Variants in SLC35B4 observed in about 807,000 individuals in gnomAD.
SLC35B4 encodes nucleotide sugar transporter SLC35B4.
In SLC35B4, 28 loss-of-function variants were observed where a neutral mutation model predicts 39.5. The ratio of observed to expected loss-of-function variants is 0.71; its 90% CI spans 0.53 to 0.97. The LOEUF is 0.97. Among genes scored for constraint, SLC35B4 ranks in the 50% least tolerant of loss-of-function variants. SLC35B4 has a pLI of 0.00. For missense variants in SLC35B4, 334 were observed against 414.3 expected (o/e 0.81, Z 1.68); for synonymous variants, 145 against 150.4 (o/e 0.96, Z 0.26).
rs1042089316 is a variant in SLC35B4 at position 134,293,588 on chromosome 7, C to T, written c.*1245G>A. 4.6e-5 allele frequency: 7 copies of T among 152,150 alleles called. No homozygotes were observed. The highest frequency in any genetic ancestry group is 1.7e-4 in the African/African-American group (7 of 41,440). The allele number at this position is 152,150 out of a possible 1,614,324, so 9.4% of individuals were successfully genotyped here. A position where few individuals can be genotyped will look rare whatever the true frequency, so the allele number is the denominator to read the frequency against. On this transcript the variant is annotated 3_prime_UTR_variant, in exon 10 of 10. Transcript: ENST00000378509. ...TGCATTCCCTTGATGGGTCGTGACT[C>T]TTAACAGAGTCATCGGGCAGAGGGG...
intron 1 of SLC35B4, among the ~76,000 whole-genome samples, chr7:134,314,135 C>T (rs957632836): frequency 1.3e-5 from 2 of 152,100 alleles, no homozygotes; most frequent in African/African-American, 2.4e-5. Flanking sequence ...GATTTGTCCA[C>T]GACTTTGTAG....
upstream of SLC35B4, among the ~76,000 whole-genome samples, chr7:134,317,659 C>A (rs1468362266): frequency 6.6e-6 from 1 of 152,230 alleles, no homozygotes. Context: ...GCAATCAGAT[C>A]TTTAATGGTG....
chr7:134,316,861 T>C lies in SLC35B4; in HGVS notation c.-110A>G, dbSNP rs1008812458. 2.8e-4 allele frequency: 318 copies of C among 1,134,206 alleles called. 4 individuals are homozygous for C. In the South Asian group the frequency reaches 3.7e-3, roughly 13 times the overall value. 70.3% of individuals were successfully genotyped at this position (1,134,206 alleles called of 1,614,324 possible). On this transcript the variant is annotated 5_prime_UTR_variant, in exon 1 of 10. Transcript: ENST00000378509. ...CGCTGCGCAGCACATCGCACCGTCC[T>C]GGAAAGCCGCTCTCACTGGGGGCCG...
chr7:134,299,710 A>G (rs951529601), intron 7 of SLC35B4, 112 bp from the exon 8 acceptor site: 1 of 879,624 alleles, frequency 1.1e-6, no homozygotes, highest in East Asian at 2.6e-5. Context: ...AATACAAAGA[A>G]AAGCAAGTTA....
intron 1 of SLC35B4, 24 bp downstream of exon 1, chr7:134,316,651 G>C (rs1478641391): frequency 6.5e-7 from 1 of 1,548,464 alleles, no homozygotes. Context: ...GGGAGACCGG[G>C]TGCGGCCCGA....
intron 1 of SLC35B4, among the ~76,000 whole-genome samples, chr7:134,314,912 A>ATT (rs201215420): frequency 6.6e-6 from 1 of 151,460 alleles, no homozygotes; most frequent in African/African-American, 2.4e-5. Context: ...GTTGGATACA[A>ATT]TTTTTTTTTC....
In SLC35B4 at chr7:134,306,696, C is replaced by T; in HGVS notation, c.270G>A (p.Met90Ile). ...NNYALNLNIA[M>I]PLHMIFRSGS... The stretch of plus-strand genomic sequence containing the variant: ...CGGATCTAAATATCATATGCAGGGG[C>T]ATGGCAATGTTGAGATTCAGGGCAT... Residue 90 changes from methionine (M) to isoleucine (I), a missense_variant, in exon 3 of 10, where the codon ATG becomes ATA. Transcript: ENST00000378509. 6.2e-7 allele frequency: 1 copy of T among 1,613,970 alleles called. No individual in the cohort carries two copies. The highest frequency in any genetic ancestry group is 1.3e-5 in the African/African-American group (1 of 75,042).
chr7:134,319,016 A>G (rs369359967), upstream of SLC35B4, among the ~76,000 whole-genome samples: 21 of 152,324 alleles, frequency 1.4e-4, no homozygotes, highest in East Asian at 1.7e-3. Flanking sequence ...TGTTGACTGC[A>G]CTTGGAGAGC....
rs1459969388 is a variant in SLC35B4, at chr7:134,294,611, T to C, written c.*222A>G. 3 of 492,210 alleles carry C rather than the reference T, an allele frequency of 6.1e-6. No individual in the cohort carries two copies. Among genetic ancestry groups the C allele is most frequent in the Admixed American group, 3.2e-5 (1 of 30,974 alleles). The allele number at this position is 492,210 out of a possible 1,614,324, so 30.5% of individuals were successfully genotyped here. On this transcript the variant is annotated 3_prime_UTR_variant, in exon 10 of 10. Coordinates refer to ENST00000378509, the MANE Select transcript of SLC35B4 (RefSeq NM_032826.5). ...AGAAATAAATGAATGGGCTGTTCAATAGTCCAGAACTGTTCTTTTTTCTAT... is the reference window on the plus strand; with the variant it reads ...AGAAATAAATGAATGGGCTGTTCAACAGTCCAGAACTGTTCTTTTTTCTAT...
In SLC35B4 at chr7:134,299,540, A is replaced by T; in HGVS notation, c.656T>A (p.Val219Asp). 6.2e-7 allele frequency: 1 copy of T among 1,613,966 alleles called. No individual in the cohort carries two copies. Among genetic ancestry groups the T allele is most frequent in the Non-Finnish European group, 8.5e-7 (1 of 1,179,848 alleles). The change falls in exon 8 of 10, where the codon GTT (valine) becomes GAT (aspartate). Residue 219 changes from valine to aspartate, a missense_variant. Val to Asp is a radical substitution (Grantham distance 152). Coordinates refer to ENST00000378509, the MANE Select transcript of SLC35B4 (RefSeq NM_032826.5). ...FLASDIYDHA[V>D]LFNKSELYEI... The stretch of plus-strand genomic sequence containing the variant: ...AAACTCACCAGACTTATTGAATAGA[A>T]CTGCATGGTCATAAATATCAGAAGC...
rs778385947 is a variant in SLC35B4, at chr7:134,300,263, T to TA, written c.488-3dup. 133 of 1,591,926 alleles carry TA rather than the reference T, an allele frequency of 8.4e-5. No homozygotes were observed. In the African/African-American group the frequency reaches 1.5e-3, roughly 18 times the overall value. The stretch of plus-strand genomic sequence containing the variant: ...GAGCAAAAGTCAATGCCCCAATACC[T>TA]AAAAAACAAACATCAGGTGACAAGA... On this transcript the variant is annotated splice_polypyrimidine_tract_variant and splice_region_variant and intron_variant, in intron 6 of 9. Coordinates refer to ENST00000378509, the MANE Select transcript of SLC35B4 (RefSeq NM_032826.5).
chr7:134,293,263 G>A lies in SLC35B4; in HGVS notation c.*1570C>T, dbSNP rs1803375681. 6.6e-6 allele frequency: 1 copy of A among 152,144 alleles called. No homozygotes were observed. Among genetic ancestry groups the A allele is most frequent in the African/African-American group, 2.4e-5 (1 of 41,420 alleles). 9.4% of individuals were successfully genotyped at this position (152,144 alleles called of 1,614,324 possible). On this transcript the variant is annotated 3_prime_UTR_variant, in exon 10 of 10. Transcript: ENST00000378509. ...AAGGTTCCAGCTAAGTAAAGAAAAG[G>A]GATGTGAAAGTGCAGCCACTTCCGT... is the stretch of plus-strand genomic sequence containing the variant.
At chr7:134,310,033 T>G (rs576878779) in intron 1 of SLC35B4, among the ~76,000 whole-genome samples, 3 of 152,296 alleles carry the variant, frequency 2.0e-5, no homozygotes, top group Non-Finnish European at 4.4e-5. Context: ...GGGAGATATC[T>G]TACTCTTTTT....
chr7:134,307,510 G>A (rs538439951), intron 2 of SLC35B4, among the ~76,000 whole-genome samples: 60 of 152,190 alleles, frequency 3.9e-4, no homozygotes, highest in African/African-American at 7.2e-4. Flanking sequence ...TAAAATTGCC[G>A]TTTTTATAGG....
chr7:134,309,959 TTGA>T (rs1410192106), intron 1 of SLC35B4, among the ~76,000 whole-genome samples: 1 of 152,164 alleles, frequency 6.6e-6, no homozygotes, highest in African/African-American at 2.4e-5. Flanking sequence ...GGACCCAGTG[TTGA>T]TGATAGGAAC....
chr7:134,302,054 CAAAT>C lies in SLC35B4; in HGVS notation c.397_400del (p.Ile133AlafsTer9). ...CACCTGCTTTGCTGACATAAAAGTG[CAAAT>C]AAATATCCCCACAGACACCAGGGCA... On this transcript the variant is annotated frameshift_variant, in exon 5 of 10. Transcript: ENST00000378509. LOFTEE classifies it high-confidence loss of function. 1 of 1,613,654 alleles carries C rather than the reference CAAAT, an allele frequency of 6.2e-7. No homozygotes were observed. Among genetic ancestry groups the C allele is most frequent in the Non-Finnish European group, 8.5e-7 (1 of 1,179,894 alleles).
In SLC35B4 at chr7:134,305,175, T is replaced by C. The variant is rs552704157; in HGVS notation, c.295-321A>G. Among the ~76,000 whole-genome samples the C allele has an allele frequency of 1.0e-3, 159 of 152,110 alleles. 1 individual carries two copies. The highest frequency in any genetic ancestry group is 1.9e-3 in the Non-Finnish European group (130 of 67,968). The stretch of plus-strand genomic sequence containing the variant: ...TGTCTCTACTAAAAAATACGAAACT[T>C]AGCTGGGCGTGGTGGCAGTTGCCTG... On this transcript the variant is annotated intron_variant, in intron 3 of 9. Coordinates refer to ENST00000378509, the MANE Select transcript of SLC35B4 (RefSeq NM_032826.5).
chr7:134,312,876 T>G (rs1803877531), intron 1 of SLC35B4, among the ~76,000 whole-genome samples: 1 of 152,160 alleles, frequency 6.6e-6, no homozygotes, highest in Admixed American at 6.5e-5. Context: ...TCAGTGGGGT[T>G]AAGTATGGGT....
chr7:134,316,612 C>G, intron 1 of SLC35B4, 63 bp downstream of exon 1: 1 of 1,518,948 alleles, frequency 6.6e-7, no homozygotes, highest in Non-Finnish European at 8.9e-7. Context: ...CCGGGGGGAC[C>G]TCTCCTCTGG....
Sources: allele counts gnomAD v4.1 joint callset (sites outside exome capture counted in the v4.1 genomes callset), GRCh38; gene constraint gnomAD v4.1.1; transcripts MANE v1.5; gene names NCBI Gene and HGNC (gene_info 2026-07-23, HGNC 2026-07-21).